Variants in CCDC57 observed in about 807,000 individuals in gnomAD.
CCDC57 encodes coiled-coil domain-containing protein 57.
A neutral mutation model predicts 118.9 loss-of-function variants in CCDC57; 118 were observed. That is an observed-to-expected ratio of 0.99 (90% confidence interval 0.86 to 1.16). The LOEUF is 1.16. Ranked by LOEUF, CCDC57 falls within the 50% of genes most tolerant of loss-of-function variation. The pLI is 0.00. For missense variants in CCDC57, 1,300 were observed against 1,320.7 expected, an observed-to-expected ratio of 0.98 and a Z score of 0.24; for synonymous variants, 527 against 532.9, an observed-to-expected ratio of 0.99 and a Z score of 0.15.
At chr17:82,210,937 T>C (rs1032373030) in intron 1 of CCDC57, among the ~76,000 whole-genome samples, 11 of 133,286 alleles carry the variant, frequency 8.3e-5, no homozygotes, top group African/African-American at 3.2e-4. Context: ...GAGGTTGCAG[T>C]GGGCCGAGAT....
At chr17:82,171,770 C>A (rs1303855068) in exon 13 of CCDC57, 2 of 1,613,966 alleles carry the variant, frequency 1.2e-6, no homozygotes, top group Non-Finnish European at 1.7e-6. Context: ...TTTAAAGGAT[C>A]CAACACATCT....
chr17:82,207,206 G>A (rs868075471), intron 2 of CCDC57, among the ~76,000 whole-genome samples: 2 of 152,036 alleles, frequency 1.3e-5, no homozygotes, highest in African/African-American at 4.8e-5. Context: ...CTGGGGCGTC[G>A]CTTGTAGTCT....
chr17:82,129,381 T>C (rs940148941), intron 17 of CCDC57, among the ~76,000 whole-genome samples: 5 of 152,138 alleles, frequency 3.3e-5, no homozygotes, highest in Admixed American at 3.3e-4. Flanking sequence ...GAAAGGGAAA[T>C]TCAAAGCAGT....
At chr17:82,180,105 C>T (rs1300213599) in intron 9 of CCDC57, among the ~76,000 whole-genome samples, 1 of 152,140 alleles carries the variant, frequency 6.6e-6, no homozygotes, top group Non-Finnish European at 1.5e-5. Context: ...TCAGGGAGTT[C>T]GAATGATAGC....
intron 18 of CCDC57, 69 bp downstream of exon 17, chr17:82,128,424 C>G: frequency 8.8e-7 from 1 of 1,139,336 alleles, no homozygotes; most frequent in Non-Finnish European, 1.3e-6. Flanking sequence ...GCCCAGAGCA[C>G]CCAGGCCCCG....
At chr17:82,123,594 C>T (rs1403622525) in intron 19 of CCDC57, among the ~76,000 whole-genome samples, 1 of 152,034 alleles carries the variant, frequency 6.6e-6, no homozygotes, top group African/African-American at 2.4e-5. Context: ...CAACAATTGA[C>T]AAAAACAGAT....
chr17:82,197,519 A>G (rs1457847084), intron 4 of CCDC57, among the ~76,000 whole-genome samples: 2 of 152,264 alleles, frequency 1.3e-5, no homozygotes, highest in South Asian at 2.1e-4. Context: ...ATCATAATTG[A>G]ATTCCAAATT....
At chr17:82,108,807 T>TG (rs953226256) in intron 19 of CCDC57, 3 of 152,124 alleles carry the variant, frequency 2.0e-5, no homozygotes, top group Admixed American at 2.0e-4. Flanking sequence ...TGAAGAACTG[T>TG]GGCCGGCGTC....
intron 2 of CCDC57, chr17:82,207,832 G>C (rs1465796898): frequency 6.6e-6 from 1 of 152,182 alleles, no homozygotes; most frequent in East Asian, 1.9e-4. Context: ...TATGTCTTGG[G>C]GACTGAGCCC....
Position 82,127,691 on chromosome 17 carries a change from C to T in CCDC57, c.2899+1G>A. The T allele has an allele frequency of 1.9e-6, 3 of 1,598,932 alleles. No homozygotes were observed. Among genetic ancestry groups the T allele is most frequent in the Non-Finnish European group, 2.6e-6 (3 of 1,172,548 alleles). ...AGCTCCTGGGGAGGGCAGTCTCCTA[C>T]CTGGAGTTGAGTCACCCTGGGAGGT... On this transcript the variant is annotated splice_donor_variant, in intron 19 of 19. Coordinates refer to ENST00000665763, the Ensembl canonical transcript of CCDC57. LOFTEE classifies it high-confidence loss of function.
intron 13 of CCDC57, among the ~76,000 whole-genome samples, chr17:82,165,851 T>A (rs929513721): frequency 4.5e-4 from 68 of 152,094 alleles, no homozygotes; most frequent in Non-Finnish European, 9.3e-4. Flanking sequence ...TGGAAAGTAA[T>A]GGACATTCAA....
chr17:82,174,457 C>T (rs921233853), intron 11 of CCDC57, among the ~76,000 whole-genome samples: 4 of 152,238 alleles, frequency 2.6e-5, no homozygotes, highest in Non-Finnish European at 5.9e-5. Flanking sequence ...AAGACTCTCT[C>T]TAGCTGGGAA....
chr17:82,101,944 A>G, intron 19 of CCDC57, 78 bp from the exon 19 acceptor site: 1 of 1,354,410 alleles, frequency 7.4e-7, no homozygotes, highest in Non-Finnish European at 9.9e-7. Flanking sequence ...GGCACTGCAC[A>G]GGTGCAGCAC....
intron 19 of CCDC57, among the ~76,000 whole-genome samples, chr17:82,125,761 AGAG>A: frequency 6.6e-6 from 1 of 152,348 alleles, no homozygotes; most frequent in East Asian, 1.9e-4. Context: ...AGAAGGATAA[AGAG>A]GAGATCCTAC....
chr17:82,200,710 T>C (rs2048890074), intron 3 of CCDC57, among the ~76,000 whole-genome samples: 1 of 152,058 alleles, frequency 6.6e-6, no homozygotes. Context: ...GGAGAATCAC[T>C]TGAACCCGGG....
chr17:82,201,953 CTG>C lies in CCDC57; in HGVS notation c.-8-3_-8-2del, dbSNP rs760662967. On this transcript the variant is annotated splice_acceptor_variant and splice_polypyrimidine_tract_variant and intron_variant, in intron 2 of 19. Transcript: ENST00000665763. LOFTEE classifies it low-confidence loss of function (5UTR_SPLICE). ...GAGCCCAGTGGCAGCATGGTGGCCGCTGCAGTAAAGAGAAATCAGGTTCAGGG... is the reference window on the plus strand; with the variant it reads ...GAGCCCAGTGGCAGCATGGTGGCCGCCAGTAAAGAGAAATCAGGTTCAGGG... The C allele has an allele frequency of 6.3e-7, 1 of 1,582,554 alleles. No homozygotes were observed. Among genetic ancestry groups the C allele is most frequent in the South Asian group, 1.1e-5 (1 of 89,166 alleles).
At chr17:82,158,009 C>T in intron 14 of CCDC57, 61 bp from the exon 14 acceptor site, 1 of 1,510,264 alleles carries the variant, frequency 6.6e-7, no homozygotes. Flanking sequence ...GAGCAGGCCC[C>T]TGGGCACTGA....
intron 19 of CCDC57, among the ~76,000 whole-genome samples, chr17:82,103,491 C>T (rs2034613062): frequency 6.6e-6 from 1 of 152,234 alleles, no homozygotes; most frequent in African/African-American, 2.4e-5. Flanking sequence ...CCACCCCCCA[C>T]ACTGGCTGGC....
intron 16 of CCDC57, among the ~76,000 whole-genome samples, chr17:82,137,781 C>A (rs1044965648): frequency 6.0e-4 from 91 of 151,016 alleles, no homozygotes; most frequent in African/African-American, 2.2e-3. Flanking sequence ...TCAAGCGGTT[C>A]TCCTTCCTCA....
Sources: allele counts gnomAD v4.1 joint callset (sites outside exome capture counted in the v4.1 genomes callset), GRCh38; gene constraint gnomAD v4.1.1; transcripts MANE v1.5; gene names NCBI Gene and HGNC (gene_info 2026-07-23, HGNC 2026-07-21).